The following DIAPH2 variants were observed in gnomAD, a reference collection of about 807,000 sequenced individuals.
DIAPH2 encodes diaphanous related formin 2.
DIAPH2 carries 35 observed loss-of-function variants against 92.7 expected under a neutral mutation model. The observed-to-expected ratio is 0.38, with a 90% CI of 0.29 to 0.50. The LOEUF is 0.50. DIAPH2 is among the 20% of genes least tolerant of loss of function. DIAPH2 has a pLI of 0.94. For synonymous variants in DIAPH2, 301 were observed against 280.4 expected, an observed-to-expected ratio of 1.07 and a Z score of -0.73; for missense variants, 701 against 819.5, an observed-to-expected ratio of 0.86 and a Z score of 1.77.
intron 4 of DIAPH2, among the ~76,000 whole-genome samples, chrX:96,760,800 C>T (rs1270432339): frequency 9.0e-6 from 1 of 111,023 alleles, no homozygotes; most frequent in Non-Finnish European, 1.9e-5. Flanking sequence ...GTTTTTTCTT[C>T]TCGAAGTCCC....
intron 22 of DIAPH2, among the ~76,000 whole-genome samples, chrX:97,246,655 G>T (rs1321033021): frequency 8.9e-6 from 1 of 112,163 alleles, no homozygotes; most frequent in African/African-American, 3.2e-5. Flanking sequence ...GTTGATTTTG[G>T]CAGTCTCTTA....
At chrX:97,267,550 C>T (rs763566724) in intron 23 of DIAPH2, among the ~76,000 whole-genome samples, 1 of 111,335 alleles carries the variant, frequency 9.0e-6, no homozygotes, top group Non-Finnish European at 1.9e-5. Context: ...TGCCAAGCTC[C>T]CAGTTGCAAT....
chrX:96,866,765 A>G (rs1423235924), intron 4 of DIAPH2, among the ~76,000 whole-genome samples: 3 of 112,060 alleles, frequency 2.7e-5, no homozygotes, highest in Non-Finnish European at 5.6e-5. Flanking sequence ...TTTAGTATCT[A>G]TATCCTACTT....
At chrX:97,132,783 G>A (rs1215803818) in intron 21 of DIAPH2, among the ~76,000 whole-genome samples, 3 of 112,214 alleles carry the variant, frequency 2.7e-5, no homozygotes, top group Non-Finnish European at 5.6e-5. Flanking sequence ...GGTTTAGATG[G>A]TTTTATTCCA....
At chrX:97,352,938 G>C (rs56067957) in intron 24 of DIAPH2, among the ~76,000 whole-genome samples, 4 of 103,178 alleles carry the variant, frequency 3.9e-5, no homozygotes, top group Non-Finnish European at 5.9e-5. Flanking sequence ...CTAAATTTAA[G>C]TTGCATATTT....
intron 15 of DIAPH2, among the ~76,000 whole-genome samples, chrX:96,956,833 A>G (rs1405753444): frequency 8.9e-6 from 1 of 111,925 alleles, no homozygotes; most frequent in Non-Finnish European, 1.9e-5. Context: ...TTTCCTGTCT[A>G]CTTCTGAGCC....
In DIAPH2 at chrX:97,542,829, G is replaced by A. The variant is rs184460268; in HGVS notation, c.3242-56424G>A. Among the ~76,000 whole-genome samples the A allele has an allele frequency of 3.3e-3, 371 of 111,168 alleles. 1 individual carries two copies. Among genetic ancestry groups the A allele is most frequent in the African/African-American group, 0.011 (342 of 30,607 alleles). Reference sequence around the variant, plus strand: ...TAAACTCAGTAGCAAAAACATAACCGATATATGGTGGGGAAAACGACAAGG... The same window carrying A: ...TAAACTCAGTAGCAAAAACATAACCAATATATGGTGGGGAAAACGACAAGG... On this transcript the variant is annotated intron_variant, in intron 26 of 26. Transcript: ENST00000324765.
intron 23 of DIAPH2, among the ~76,000 whole-genome samples, chrX:97,311,703 A>G (rs1485878348): frequency 8.9e-5 from 10 of 111,827 alleles, no homozygotes; most frequent in Admixed American, 8.6e-4. Context: ...AGGGAGTTTC[A>G]GAATCTTGTA....
chrX:96,986,084 C>G (rs2066030016), intron 17 of DIAPH2, among the ~76,000 whole-genome samples: 1 of 111,236 alleles, frequency 9.0e-6, no homozygotes, highest in African/African-American at 3.3e-5. Context: ...TAATTTTTGT[C>G]AAATTCGTTA....
At chrX:97,397,739 T>C (rs922933765) in intron 25 of DIAPH2, among the ~76,000 whole-genome samples, 2 of 111,915 alleles carry the variant, frequency 1.8e-5, no homozygotes, top group African/African-American at 6.5e-5. Context: ...GTGTTTGAAG[T>C]TGAAGAAGTT....
chrX:96,773,221 T>C (rs1400160003), intron 4 of DIAPH2, among the ~76,000 whole-genome samples: 1 of 107,026 alleles, frequency 9.3e-6, no homozygotes. Context: ...AGCTATGTGT[T>C]ACCGGCTGAA....
At chrX:96,784,252 A>G (rs188239501) in intron 4 of DIAPH2, among the ~76,000 whole-genome samples, 1 of 112,356 alleles carries the variant, frequency 8.9e-6, no homozygotes, top group African/African-American at 3.2e-5. Context: ...TAACAGGATT[A>G]GTATGTGTAT....
chrX:96,745,109 C>T (rs1370976878), intron 3 of DIAPH2, among the ~76,000 whole-genome samples: 4 of 108,452 alleles, frequency 3.7e-5, no homozygotes, highest in South Asian at 4.1e-4. Flanking sequence ...TGGGTTGAAG[C>T]GATTCTCCTG....
intron 26 of DIAPH2, among the ~76,000 whole-genome samples, chrX:97,587,049 G>A (rs2071483621): frequency 8.9e-6 from 1 of 112,149 alleles, no homozygotes; most frequent in Non-Finnish European, 1.9e-5. Context: ...TTGAAAGACT[G>A]GCTCATTTAT....
chrX:97,065,971 T>C (rs926315629), intron 17 of DIAPH2, among the ~76,000 whole-genome samples: 3 of 112,375 alleles, frequency 2.7e-5, no homozygotes, highest in African/African-American at 9.7e-5. Flanking sequence ...AGAGAAAATA[T>C]TTTTGTACAG....
intron 26 of DIAPH2, among the ~76,000 whole-genome samples, chrX:97,492,240 C>G (rs1363415579): frequency 9.0e-6 from 1 of 110,981 alleles, no homozygotes; most frequent in African/African-American, 3.3e-5. Flanking sequence ...TCAAGACCAG[C>G]CTGGGCAACA....
chrX:97,386,316 A>G (rs923403192), intron 25 of DIAPH2, among the ~76,000 whole-genome samples: 1 of 112,115 alleles, frequency 8.9e-6, no homozygotes, highest in African/African-American at 3.2e-5. Flanking sequence ...ACTAGAGTAC[A>G]GCATGGCAAT....
At chrX:97,273,194 T>C (rs1207730855) in intron 23 of DIAPH2, among the ~76,000 whole-genome samples, 1 of 112,231 alleles carries the variant, frequency 8.9e-6, no homozygotes, top group South Asian at 3.7e-4. Flanking sequence ...AATATCCTTG[T>C]CAACAATATA....
chrX:97,522,699 T>A (rs1408515692), intron 26 of DIAPH2, among the ~76,000 whole-genome samples: 2 of 112,755 alleles, frequency 1.8e-5, no homozygotes, highest in African/African-American at 6.4e-5. Context: ...TTTTTTTTTG[T>A]CCTTATGGTC....
Sources: gnomAD v4.1 joint callset for allele counts (sites outside exome capture counted in the v4.1 genomes callset) on GRCh38, gnomAD v4.1.1 for gene constraint, MANE v1.5 for transcripts, NCBI Gene and HGNC (gene_info 2026-07-23, HGNC 2026-07-21) for gene names.